Variants in DNAH5 observed in about 807,000 individuals in gnomAD.
The protein encoded by DNAH5 is dynein axonemal heavy chain 5, also known as axonemal beta dynein heavy chain 5.
In DNAH5, 372 loss-of-function variants were observed where a neutral mutation model predicts 518.2. The ratio of observed to expected loss-of-function variants is 0.72; its 90% CI spans 0.66 to 0.78. The LOEUF (loss-of-function observed/expected upper bound fraction) is 0.78, where lower values mean the gene tolerates loss of function less well. DNAH5 is among the 30% of genes least tolerant of loss of function. The pLI, the probability that DNAH5 is intolerant of heterozygous loss-of-function variation, is 0.00. For missense variants in DNAH5, 5,523 were observed against 5,687.0 expected (o/e 0.97, Z 0.93); for synonymous variants, 2,039 against 2,025.9 (o/e 1.01, Z -0.17).
At chr5:13,806,200 T>A (rs1048306206) in intron 47 of DNAH5, among the ~76,000 whole-genome samples, 1 of 152,182 alleles carries the variant, frequency 6.6e-6, no homozygotes, top group African/African-American at 2.4e-5. Context: ...AACGTTAGCA[T>A]CTTGCCAGCC....
intron 30 of DNAH5, among the ~76,000 whole-genome samples, chr5:13,854,051 A>G (rs1233926004): frequency 6.6e-6 from 1 of 152,194 alleles, no homozygotes; most frequent in East Asian, 1.9e-4. Context: ...CAAGAAGAGC[A>G]ACCCCAAAAC....
chr5:13,835,197 A>T (rs1764204021), intron 35 of DNAH5, among the ~76,000 whole-genome samples: 2 of 152,030 alleles, frequency 1.3e-5, no homozygotes, highest in South Asian at 4.1e-4. Flanking sequence ...AGGCAGGAGA[A>T]TCACTTGAAC....
At chr5:13,899,944 C>T (rs905473034) in intron 15 of DNAH5, 14 of 478,262 alleles carry the variant, frequency 2.9e-5, no homozygotes, top group South Asian at 8.1e-5. Context: ...AAAAAGAGAT[C>T]GTGCCTTTTT....
In DNAH5 at chr5:13,758,889, T is replaced by C. The variant is rs1168604421; in HGVS notation, c.10376A>G (p.Asp3459Gly). 2 of 1,614,168 alleles carry C rather than the reference T, an allele frequency of 1.2e-6. No individual in the cohort carries two copies. The highest frequency in any genetic ancestry group is 1.7e-5 in the Admixed American group (1 of 60,024). The change falls in exon 61 of 79, where the codon GAC becomes GGC. Residue 3459 changes from aspartate to glycine, a missense_variant. Physicochemically the swap from Asp to Gly is moderately conservative, Grantham distance 94 (BLOSUM62 -1). Coordinates refer to ENST00000265104, the MANE Select transcript of DNAH5 (RefSeq NM_001369.3). ...CTGTTCATACTCAGCCTGCACCACG[T>C]CAAGTTCCGCCTGCTTGTCATCCAA... is the stretch of plus-strand genomic sequence containing the variant. The part of the protein sequence containing the change: ...AELDDKQAEL[D>G]VVQAEYEQAM...
chr5:13,723,989 CTGTGGGGCAAATG>C (rs1272218521), intron 70 of DNAH5, among the ~76,000 whole-genome samples: 6 of 152,230 alleles, frequency 3.9e-5, no homozygotes, highest in Non-Finnish European at 8.8e-5. Flanking sequence ...TGTAATGAGT[CTGTGGGGCAAATG>C]TGTAATATGC....
intron 1 of DNAH5, among the ~76,000 whole-genome samples, chr5:13,983,815 C>G (rs1782850031): frequency 6.6e-6 from 1 of 152,186 alleles, no homozygotes; most frequent in South Asian, 2.1e-4. Flanking sequence ...GCTAAAACGC[C>G]AGAACCACTC....
intron 16 of DNAH5, among the ~76,000 whole-genome samples, chr5:13,892,200 T>A (rs1773338421): frequency 6.6e-6 from 1 of 152,230 alleles, no homozygotes; most frequent in African/African-American, 2.4e-5. Context: ...GAGCCAACAC[T>A]TTCACTTAAG....
At chr5:13,830,898 T>A in intron 35 of DNAH5, 123 bp from the exon 36 acceptor site, 2 of 887,288 alleles carry the variant, frequency 2.3e-6, no homozygotes, top group Non-Finnish European at 3.6e-6. Context: ...CTACCTAACA[T>A]TTCGAATACA....
At chr5:13,838,438 C>T (rs1764704073) in intron 35 of DNAH5, among the ~76,000 whole-genome samples, 1 of 152,212 alleles carries the variant, frequency 6.6e-6, no homozygotes, top group African/African-American at 2.4e-5. Context: ...CCTGTCATAT[C>T]AGCGGCAGTA....
chr5:13,878,763 G>C (rs531917203), intron 21 of DNAH5, among the ~76,000 whole-genome samples: 1 of 152,308 alleles, frequency 6.6e-6, no homozygotes, highest in East Asian at 1.9e-4. Context: ...ACTTCCATCA[G>C]TTATCTCGCC....
At chr5:13,931,647 A>G (rs1580948258) in intron 1 of DNAH5, among the ~76,000 whole-genome samples, 1 of 152,202 alleles carries the variant, frequency 6.6e-6, no homozygotes, top group Non-Finnish European at 1.5e-5. Context: ...AGTATCTCCT[A>G]TCTTTATTGT....
intron 78 of DNAH5, among the ~76,000 whole-genome samples, chr5:13,698,578 A>G (rs536999855): frequency 1.3e-5 from 2 of 152,362 alleles, no homozygotes; most frequent in South Asian, 2.1e-4. Flanking sequence ...CCACAGCACT[A>G]TAACTAATGC....
chr5:13,722,525 C>T (rs976102256), intron 70 of DNAH5, among the ~76,000 whole-genome samples: 11 of 151,912 alleles, frequency 7.2e-5, no homozygotes, highest in Non-Finnish European at 2.9e-5. Flanking sequence ...ATGGGTGCCA[C>T]ATGAGTCTAG....
intron 41 of DNAH5, among the ~76,000 whole-genome samples, chr5:13,818,560 CT>C (rs1761782861): frequency 6.6e-6 from 1 of 152,244 alleles, no homozygotes; most frequent in Admixed American, 6.5e-5. Context: ...TTTTATCAAT[CT>C]GGTACTCAAC....
At chr5:13,781,143 C>A (rs1007587732) in intron 52 of DNAH5, among the ~76,000 whole-genome samples, 184 bp from the exon 53 acceptor site, 2 of 152,098 alleles carry the variant, frequency 1.3e-5, no homozygotes, top group African/African-American at 4.8e-5. Flanking sequence ...TGTTGGGCTG[C>A]ATCAGACGGG....
rs1424247994 is a variant in DNAH5 at position 13,839,349 on chromosome 5, C to T, written c.5882+7G>A. The T allele has an allele frequency of 6.2e-7, 1 of 1,613,748 alleles. No individual in the cohort carries two copies. Among genetic ancestry groups the T allele is most frequent in the Non-Finnish European group, 8.5e-7 (1 of 1,179,756 alleles). ...ATGGTGGGGGTTGGGGAGAAGGGTT[C>T]CATCACCTGTCTGTAAGTGGAGTTA... On this transcript the variant is annotated splice_region_variant and intron_variant, in intron 35 of 78. Coordinates refer to ENST00000265104, the MANE Select transcript of DNAH5 (RefSeq NM_001369.3).
chr5:13,720,512 A>C (rs764707040), intron 71 of DNAH5, among the ~76,000 whole-genome samples: 1 of 152,208 alleles, frequency 6.6e-6, no homozygotes, highest in Non-Finnish European at 1.5e-5. Flanking sequence ...ACTCCAAAGT[A>C]GATGGGCCCA....
chr5:13,858,997 G>A (rs771643726), intron 30 of DNAH5, among the ~76,000 whole-genome samples: 2 of 152,032 alleles, frequency 1.3e-5, no homozygotes, highest in African/African-American at 2.4e-5. Flanking sequence ...TTTTGTTTTG[G>A]AGATTTTTTC....
intron 1 of DNAH5, among the ~76,000 whole-genome samples, chr5:13,980,029 AG>A (rs888043863): frequency 6.6e-6 from 1 of 151,912 alleles, no homozygotes; most frequent in African/African-American, 2.4e-5. Flanking sequence ...AAGTAGAGAT[AG>A]GGTTTCACCA....
Sources: allele counts gnomAD v4.1 joint callset (sites outside exome capture counted in the v4.1 genomes callset), GRCh38; gene constraint gnomAD v4.1.1; transcripts MANE v1.5; gene names NCBI Gene and HGNC (gene_info 2026-07-23, HGNC 2026-07-21).